SCTR: variants seen among roughly 807,000 people sequenced by gnomAD.
The protein encoded by SCTR is pancreatic secretin receptor.
SCTR carries 56 observed loss-of-function variants against 60.8 expected under a neutral mutation model. The observed-to-expected ratio is 0.92, with a 90% CI of 0.74 to 1.15. The LOEUF (loss-of-function observed/expected upper bound fraction) is 1.15. SCTR is among the 50% of genes most tolerant of loss of function. The probability of loss-of-function intolerance (pLI) is 0.00; values close to 1 mark genes in which losing one functional copy is unlikely to be tolerated. For synonymous variants in SCTR, 202 were observed against 217.0 expected, an observed-to-expected ratio of 0.93 and a Z score of 0.61; for missense variants, 562 against 550.4, an observed-to-expected ratio of 1.02 and a Z score of -0.21.
chr2:119,513,138 G>T (rs542047433), intron 1 of SCTR, among the ~76,000 whole-genome samples: 1 of 152,280 alleles, frequency 6.6e-6, no homozygotes, highest in East Asian at 1.9e-4. Flanking sequence ...GCCTTTCCAG[G>T]GTGCCACAGG....
At chr2:119,476,255 G>A (rs888678472) in intron 3 of SCTR, among the ~76,000 whole-genome samples, 1 of 152,154 alleles carries the variant, frequency 6.6e-6, no homozygotes, top group African/African-American at 2.4e-5. Flanking sequence ...GGGGTGGGTG[G>A]GAGTTCTTGA....
chr2:119,440,321 A>C (rs1232981157), intron 12 of SCTR, 64 bp from the exon 13 acceptor site: 2 of 1,547,502 alleles, frequency 1.3e-6, no homozygotes, highest in Admixed American at 1.8e-5. Flanking sequence ...AGCCCTGCTC[A>C]CTCCCCCAGT....
intron 2 of SCTR, chr2:119,480,033 G>A (rs1014292717): frequency 6.6e-6 from 1 of 152,160 alleles, no homozygotes; most frequent in African/African-American, 2.4e-5. Flanking sequence ...CTAGATGATT[G>A]GTAGCAATGC....
At chr2:119,524,021 TG>T in intron 1 of SCTR, 133 bp downstream of exon 1, 1 of 684,382 alleles carries the variant, frequency 1.5e-6, no homozygotes, top group African/African-American at 1.9e-5. Flanking sequence ...TTGGGAGGAT[TG>T]GGAGGGAAGA....
In SCTR at chr2:119,478,894, A is replaced by G. The variant is rs1222452683; in HGVS notation, c.218T>C (p.Ile73Thr). The G allele has an allele frequency of 3.1e-6, 5 of 1,614,152 alleles. No homozygotes were observed. In the East Asian group the frequency reaches 8.9e-5, roughly 29 times the overall value. Residue 73 changes from isoleucine (I) to threonine (T), a missense_variant, in exon 3 of 13, where the codon ATA becomes ACA. Coordinates refer to ENST00000019103, the MANE Select transcript of SCTR (RefSeq NM_002980.3). ...VPGCEGMWDN[I>T]SCWPSSVPGR... ...CGGCACAGAAGAGGGCCAGCAGCTT[A>G]TGTTGTCCCACATCCCCTCACAACC... is the stretch of plus-strand genomic sequence containing the variant.
chr2:119,508,383 C>CTTCTTTTTTTTTTTTTTTTTTTTTTTTTT (rs1678823151), intron 1 of SCTR, among the ~76,000 whole-genome samples: 1 of 77,376 alleles, frequency 1.3e-5, no homozygotes, highest in African/African-American at 5.4e-5. Flanking sequence ...TCTTCTTCTT[C>CTTCTTTTTTTTTTTTTTTTTTTTTTTTTT]TTTTTTTTTT....
At chr2:119,514,238 G>A (rs933363658) in intron 1 of SCTR, among the ~76,000 whole-genome samples, 2 of 152,152 alleles carry the variant, frequency 1.3e-5, no homozygotes, top group Non-Finnish European at 2.9e-5. Flanking sequence ...GTCTAGGCTG[G>A]GTGGTTTATG....
At chr2:119,520,595 C>T (rs4383344) in intron 1 of SCTR, among the ~76,000 whole-genome samples, 31,278 of 152,120 alleles carry the variant, frequency 0.21, 3,754 homozygotes, top group Non-Finnish European at 0.26. Context: ...GACAGGGCAG[C>T]GACCACCATG....
At chr2:119,464,747 G>T (rs1184413987) in intron 5 of SCTR, among the ~76,000 whole-genome samples, 3 of 152,116 alleles carry the variant, frequency 2.0e-5, no homozygotes, top group African/African-American at 7.2e-5. Flanking sequence ...TAAATAAAAA[G>T]CTGGGGCTGT....
chr2:119,443,440 G>A (rs999603231), intron 11 of SCTR, among the ~76,000 whole-genome samples: 1 of 152,208 alleles, frequency 6.6e-6, no homozygotes, highest in African/African-American at 2.4e-5. Flanking sequence ...TCTGGGTTAT[G>A]ACGTTCTAGA....
chr2:119,477,684 C>G (rs184425554), intron 3 of SCTR, among the ~76,000 whole-genome samples: 3 of 152,338 alleles, frequency 2.0e-5, no homozygotes, highest in Non-Finnish European at 4.4e-5. Context: ...CTCCCGACCT[C>G]AGGAGATCCG....
chr2:119,501,954 C>A (rs1296055106), intron 1 of SCTR, among the ~76,000 whole-genome samples: 1 of 152,130 alleles, frequency 6.6e-6, no homozygotes, highest in African/African-American at 2.4e-5. Context: ...AGCACATGCA[C>A]AGTGAATTAA....
At chr2:119,483,846 A>G (rs2587680) in intron 2 of SCTR, among the ~76,000 whole-genome samples, 132,322 of 152,060 alleles carry the variant, frequency 0.87, 57,681 homozygotes, top group African/African-American at 0.91. Flanking sequence ...GGGGAGCTGG[A>G]CAGTCCCTGT....
intron 10 of SCTR, among the ~76,000 whole-genome samples, chr2:119,448,461 C>T (rs767798591): frequency 1.3e-4 from 20 of 152,162 alleles, no homozygotes; most frequent in Non-Finnish European, 2.8e-4. Context: ...ATCTCTCTGC[C>T]GTCAGGCTTC....
chr2:119,520,426 A>G (rs1679253247), intron 1 of SCTR, among the ~76,000 whole-genome samples: 2 of 152,130 alleles, frequency 1.3e-5, no homozygotes, highest in Admixed American at 6.5e-5. Flanking sequence ...TTGAGCCAGG[A>G]AGTTCAAGGC....
At chr2:119,476,319 C>T (rs954819651) in intron 3 of SCTR, 1 of 152,264 alleles carries the variant, frequency 6.6e-6, no homozygotes, top group African/African-American at 2.4e-5. Flanking sequence ...CACCCACCCC[C>T]AGGCTGGGTA....
chr2:119,461,848 C>A lies in SCTR; in HGVS notation c.789G>T (p.Trp263Cys), dbSNP rs868374698. 6.2e-7 allele frequency: 1 copy of A among 1,611,500 alleles called. No homozygotes were observed. Among genetic ancestry groups the A allele is most frequent in the Non-Finnish European group, 8.5e-7 (1 of 1,178,682 alleles). ...KYLQGFVAFG[W>C]GSPAIFVALW... ...TATCAGACCCAGGGAGAAACATACC[C>A]CATCCGAATGCCACAAATCCCTGGA... Residue 263 changes from tryptophan to cysteine, a missense_variant and splice_region_variant, in exon 7 of 13, where the codon TGG (tryptophan) becomes TGT (cysteine). Trp to Cys is a radical substitution (Grantham distance 215). Coordinates refer to ENST00000019103, the MANE Select transcript of SCTR (RefSeq NM_002980.3).
chr2:119,508,244 C>A (rs1244756398), intron 1 of SCTR, among the ~76,000 whole-genome samples: 2 of 152,170 alleles, frequency 1.3e-5, no homozygotes, highest in Non-Finnish European at 2.9e-5. Context: ...ATGGGAGTAA[C>A]AGCCCTAAGG....
intron 7 of SCTR, 25 bp from the exon 8 acceptor site, chr2:119,453,372 G>A (rs1683248350): frequency 6.3e-7 from 1 of 1,595,554 alleles, no homozygotes; most frequent in Non-Finnish European, 8.6e-7. Context: ...CAAAGGGAGG[G>A]GCAGAAGAGA....
Sources: allele counts gnomAD v4.1 joint callset (sites outside exome capture counted in the v4.1 genomes callset), GRCh38; gene constraint gnomAD v4.1.1; transcripts MANE v1.5; gene names NCBI Gene and HGNC (gene_info 2026-07-23, HGNC 2026-07-21).